The following ATG2B variants were observed in gnomAD, a reference collection of about 807,000 sequenced individuals.
The protein encoded by ATG2B is autophagy-related protein 2 homolog B.
A neutral mutation model predicts 241.3 loss-of-function variants in ATG2B; 121 were observed. The ratio of observed to expected loss-of-function variants is 0.50; its 90% CI spans 0.43 to 0.58. ATG2B has a LOEUF of 0.58. Ranked by LOEUF, ATG2B falls within the 20% of genes least tolerant of loss-of-function variation. The pLI, the probability that ATG2B is intolerant of heterozygous loss-of-function variation, is 0.00. For synonymous variants in ATG2B, 858 were observed against 876.6 expected (o/e 0.98, Z 0.37); for missense variants, 2,306 against 2,491.6 (o/e 0.93, Z 1.59).
At chr14:96,309,686 G>T in intron 28 of ATG2B, 92 bp from the exon 29 acceptor site, 2 of 1,204,328 alleles carry the variant, frequency 1.7e-6, no homozygotes, top group Non-Finnish European at 1.1e-6. Flanking sequence ...ACATTACATT[G>T]TACAAAAACA....
At position 96,308,259 on chromosome 14, in the gene ATG2B, TATATATATATATATATATATA is replaced by T. The variant is rs1566719815; in HGVS notation, c.4303+1173_4303+1193del. 2.0e-3 allele frequency among the ~76,000 whole-genome samples: 48 copies of T among 23,630 alleles called. 1 individual carries two copies. Among genetic ancestry groups the T allele is most frequent in the African/African-American group, 6.2e-3 (44 of 7,138 alleles). The allele number at this position is 23,630 out of a possible 152,430, so 15.5% of individuals were successfully genotyped here. A position where few individuals can be genotyped will look rare whatever the true frequency, so the allele number is the denominator to read the frequency against. On this transcript the variant is annotated intron_variant, in intron 29 of 41. Transcript: ENST00000359933. ...ATATATATATATATATATACACACA[TATATATATATATATATATATA>T]TATTTTTTTTTTTTTTTTTTTTGAG...
At chr14:96,311,732 A>G in intron 26 of ATG2B, 114 bp from the exon 27 acceptor site, 1 of 647,448 alleles carries the variant, frequency 1.5e-6, no homozygotes, top group Non-Finnish European at 2.7e-6. Flanking sequence ...GAGCACTACA[A>G]ATAATTATAA....
chr14:96,328,180 G>A (rs1340333452), intron 14 of ATG2B, among the ~76,000 whole-genome samples, 167 bp downstream of exon 14: 1 of 152,070 alleles, frequency 6.6e-6, no homozygotes, highest in African/African-American at 2.4e-5. Context: ...TATTTAGCTA[G>A]TCTACTATCA....
Position 96,313,436 on chromosome 14 carries a change from C to A in ATG2B, c.3643-1G>T. ...CAGCAATATTCAAGAAGTATAAAAT[C>A]TATAATCACAAAAAATTAAAACGCC... On this transcript the variant is annotated splice_acceptor_variant, in intron 23 of 41. Transcript: ENST00000359933. LOFTEE classifies it high-confidence loss of function. 4.6e-6 allele frequency: 7 copies of A among 1,511,676 alleles called. No individual in the cohort carries two copies. The highest frequency in any genetic ancestry group is 5.3e-6 in the Non-Finnish European group (6 of 1,121,816). 93.6% of individuals were successfully genotyped at this position (1,511,676 alleles called of 1,614,324 possible).
chr14:96,312,969 CAAAAAATTGAGACTTTAAT>C, intron 25 of ATG2B, 77 bp downstream of exon 25: 1 of 768,440 alleles, frequency 1.3e-6, no homozygotes, highest in Non-Finnish European at 2.0e-6. Flanking sequence ...GAACGTTTAA[CAAAAAATTGAGACTTTAAT>C]AAAATGGTTT....
chr14:96,352,080 T>A (rs985216647), intron 1 of ATG2B, among the ~76,000 whole-genome samples: 3 of 152,158 alleles, frequency 2.0e-5, no homozygotes, highest in Admixed American at 6.5e-5. Context: ...GAAGGACATC[T>A]GGTCAATGAC....
rs905016251 is a variant in ATG2B at position 96,322,648 on chromosome 14, G to A, written c.2628C>T (p.Tyr876=). 5 of 1,613,550 alleles carry A rather than the reference G, an allele frequency of 3.1e-6. No individual in the cohort carries two copies. The highest frequency in any genetic ancestry group is 1.3e-5 in the African/African-American group (1 of 74,874). ...AEEEEENDGH[Y]QEEEEGGAHS... is the part of the protein sequence containing the mutation. Reference sequence around the variant, plus strand: ...GAGCACCTCCTTCCTCTTCCTCCTGGTAGTGACCATCATTCTCCTCTTCTT... The same window carrying A: ...GAGCACCTCCTTCCTCTTCCTCCTGATAGTGACCATCATTCTCCTCTTCTT... Residue 876 remains tyrosine (Y), a synonymous_variant, in exon 17 of 42, where the codon TAC becomes TAT. Transcript: ENST00000359933.
intron 41 of ATG2B, among the ~76,000 whole-genome samples, chr14:96,288,066 C>T (rs1023618827): frequency 6.6e-6 from 1 of 151,988 alleles, no homozygotes; most frequent in Non-Finnish European, 1.5e-5. Context: ...ACAAGCACAT[C>T]CTACCATCTC....
chr14:96,340,919 C>A (rs1888016406), intron 6 of ATG2B, among the ~76,000 whole-genome samples: 2 of 117,532 alleles, frequency 1.7e-5, no homozygotes, highest in South Asian at 5.7e-4. Flanking sequence ...GAGGGAGACC[C>A]CATCTCGAAA....
At position 96,347,349 on chromosome 14, in the gene ATG2B, G is replaced by GA. The variant is rs1405290256; in HGVS notation, c.163-9dup. 1.3e-6 allele frequency: 2 copies of GA among 1,538,328 alleles called. No homozygotes were observed. The highest frequency in any genetic ancestry group is 1.8e-5 in the Admixed American group (1 of 55,128). Reference sequence around the variant, plus strand: ...CAAGATCTCATTGAGACACTAAGGAGAAAAAACAGGTTCATTATGAATCAC... The same window carrying GA: ...CAAGATCTCATTGAGACACTAAGGAGAAAAAAACAGGTTCATTATGAATCAC... On this transcript the variant is annotated splice_polypyrimidine_tract_variant and intron_variant, in intron 1 of 41. Coordinates refer to ENST00000359933, the MANE Select transcript of ATG2B (RefSeq NM_018036.7).
intron 41 of ATG2B, among the ~76,000 whole-genome samples, chr14:96,287,135 G>GT (rs1886356843): frequency 6.6e-6 from 1 of 151,014 alleles, no homozygotes; most frequent in African/African-American, 2.4e-5. Flanking sequence ...GGCGCCTGTA[G>GT]TCCCAGCTAC....
chr14:96,321,995 A>C, intron 18 of ATG2B, 117 bp downstream of exon 18: 2 of 742,294 alleles, frequency 2.7e-6, no homozygotes, highest in South Asian at 4.3e-5. Context: ...CACCACACAA[A>C]GTACACAGAG....
At chr14:96,350,267 T>C (rs906825942) in intron 1 of ATG2B, among the ~76,000 whole-genome samples, 6 of 152,058 alleles carry the variant, frequency 3.9e-5, no homozygotes, top group Admixed American at 3.9e-4. Flanking sequence ...ACAGAACTCA[T>C]AGACACCAAT....
intron 18 of ATG2B, chr14:96,318,252 T>TA (rs1887368799): frequency 6.4e-6 from 1 of 155,076 alleles, no homozygotes; most frequent in African/African-American, 2.4e-5. Context: ...GAGCACTTTG[T>TA]AAACTGGAAC....
chr14:96,358,616 A>AT (rs1888542598), intron 1 of ATG2B, among the ~76,000 whole-genome samples: 2 of 152,192 alleles, frequency 1.3e-5, no homozygotes, highest in Non-Finnish European at 2.9e-5. Flanking sequence ...ATCTTGTAGC[A>AT]TAAGGTACCT....
rs183840696 is a variant in ATG2B, at chr14:96,306,322, A to G, written c.4506+392T>C. Among the ~76,000 whole-genome samples, 653 of 152,310 alleles carry G rather than the reference A, an allele frequency of 4.3e-3. 26 individuals are homozygous for G. In the South Asian group the frequency reaches 0.067, roughly 16 times the overall value. On this transcript the variant is annotated intron_variant, in intron 30 of 41. Coordinates refer to ENST00000359933, the MANE Select transcript of ATG2B (RefSeq NM_018036.7). Reference sequence around the variant, plus strand: ...CAAATACACATACACACACACACTTATATCTATACATACACACAAACACAC... The same window carrying G: ...CAAATACACATACACACACACACTTGTATCTATACATACACACAAACACAC...
At chr14:96,349,838 G>A (rs1888266434) in intron 1 of ATG2B, among the ~76,000 whole-genome samples, 1 of 152,144 alleles carries the variant, frequency 6.6e-6, no homozygotes, top group African/African-American at 2.4e-5. Flanking sequence ...AGAGCCATCT[G>A]GGTGGGAGAT....
chr14:96,328,274 T>C lies in ATG2B; in HGVS notation c.2163+73A>G, dbSNP rs2091386980. 5 of 1,052,544 alleles carry C rather than the reference T, an allele frequency of 4.8e-6. No homozygotes were observed. In the East Asian group the frequency reaches 7.4e-5, roughly 15 times the overall value. The allele number at this position is 1,052,544 out of a possible 1,614,324, so 65.2% of individuals were successfully genotyped here. On this transcript the variant is annotated intron_variant, in intron 14 of 41. Transcript: ENST00000359933. Reference sequence around the variant, plus strand: ...GTTTAATCTATTAAAAATACTTAAGTTCAGAAATTATCTCAATAACCCTAT... The same window carrying C: ...GTTTAATCTATTAAAAATACTTAAGCTCAGAAATTATCTCAATAACCCTAT...
chr14:96,317,877 A>G (rs1402643324), intron 18 of ATG2B, 22 bp from the exon 19 acceptor site: 1 of 1,551,176 alleles, frequency 6.4e-7, no homozygotes, highest in Admixed American at 1.8e-5. Flanking sequence ...AAAGTTGAAA[A>G]ATAAGTACTT....
Sources: allele counts gnomAD v4.1 joint callset (sites outside exome capture counted in the v4.1 genomes callset), GRCh38; gene constraint gnomAD v4.1.1; transcripts MANE v1.5; gene names NCBI Gene and HGNC (gene_info 2026-07-23, HGNC 2026-07-21).